Variants in HSPA4 observed in about 807,000 individuals in gnomAD.
HSPA4 encodes the protein heat shock protein family A (Hsp70) member 4, also known as heat shock 70 kDa protein 4.
Under a neutral mutation model 106.2 loss-of-function variants are expected in HSPA4, and 25 were observed. The observed-to-expected ratio is 0.24, with a 90% CI of 0.17 to 0.33. The LOEUF (loss-of-function observed/expected upper bound fraction) is 0.33, where lower values mean the gene tolerates loss of function less well. Among genes scored for constraint, HSPA4 ranks in the 10% least tolerant of loss-of-function variants. The pLI, the probability that HSPA4 is intolerant of heterozygous loss-of-function variation, is 1.00. For synonymous variants in HSPA4, 332 were observed against 333.6 expected (o/e 1.00, Z 0.05); for missense variants, 841 against 996.0 (o/e 0.84, Z 2.10).
At position 133,104,502 on chromosome 5, in the gene HSPA4, T is replaced by C; in HGVS notation, c.*66T>C. 1 of 1,420,866 alleles carries C rather than the reference T, an allele frequency of 7.0e-7. No homozygotes were observed. The highest frequency in any genetic ancestry group is 1.2e-5 in the South Asian group (1 of 82,772). The allele number at this position is 1,420,866 out of a possible 1,614,324, so 88.0% of individuals were successfully genotyped here. ...TTTAAGTTGTCAACTTTGTTCTAAA[T>C]ATCAACTAGCGCAAGTGAATACTGA... On this transcript the variant is annotated 3_prime_UTR_variant, in exon 19 of 19. Coordinates refer to ENST00000304858, the MANE Select transcript of HSPA4 (RefSeq NM_002154.4).
rs903662777 is a variant in HSPA4, at chr5:133,105,941, G to T, written c.*1505G>T. Reference sequence around the variant, plus strand: ...CCTCGAGGCACCACAACAAGGCCAGGTTCTTAGCACATCCTCTGTTCTCTA... The same window carrying T: ...CCTCGAGGCACCACAACAAGGCCAGTTTCTTAGCACATCCTCTGTTCTCTA... On this transcript the variant is annotated 3_prime_UTR_variant, in exon 19 of 19. Coordinates refer to ENST00000304858, the MANE Select transcript of HSPA4 (RefSeq NM_002154.4). The T allele has an allele frequency of 7.2e-5, 11 of 151,770 alleles. No homozygotes were observed. The highest frequency in any genetic ancestry group is 7.2e-4 in the Admixed American group (11 of 15,222). The allele number at this position is 151,770 out of a possible 1,614,324, so 9.4% of individuals were successfully genotyped here. A position where few individuals can be genotyped will look rare whatever the true frequency, so the allele number is the denominator to read the frequency against.
intron 6 of HSPA4, among the ~76,000 whole-genome samples, chr5:133,074,380 G>A (rs1765422724): frequency 6.6e-6 from 1 of 151,812 alleles, no homozygotes; most frequent in South Asian, 2.1e-4. Flanking sequence ...CCAGGTTCAA[G>A]CGATTCTCCT....
rs750356218 is a variant in HSPA4, at chr5:133,099,635, A to G, written c.2020A>G (p.Lys674Glu). 2.5e-6 allele frequency: 4 copies of G among 1,589,154 alleles called. No homozygotes were observed. The highest frequency in any genetic ancestry group is 3.4e-6 in the Non-Finnish European group (4 of 1,159,560). The stretch of plus-strand genomic sequence containing the variant: ...CCAGCCAAAGCAAGTTTATGTTGAT[A>G]AGTTGGCTGAATTAAAAGTAAGTGA... ...EDQPKQVYVD[K>E]LAELKNLGQP... The change falls in exon 16 of 19, where the codon AAG becomes GAG. Residue 674 changes from lysine to glutamate, a missense_variant. By Grantham distance (56) the Lys-to-Glu change is moderately conservative (BLOSUM62 1). Coordinates refer to ENST00000304858, the MANE Select transcript of HSPA4 (RefSeq NM_002154.4).
intron 12 of HSPA4, among the ~76,000 whole-genome samples, chr5:133,092,264 G>A (rs1765656269): frequency 6.6e-6 from 1 of 152,172 alleles, no homozygotes. Flanking sequence ...AGCACATGCA[G>A]TGGTCATACT....
rs1367272389 is a variant in HSPA4 at position 133,104,309 on chromosome 5, A to C, written c.2396A>C (p.Asn799Thr). ...KVEPPKEEQK[N>T]AEQNGPVDGQ... ...GAACCTCCAAAAGAGGAACAAAAAA[A>C]TGCAGAGCAGAATGGACCAGTGGAT... Residue 799 changes from asparagine to threonine, a missense_variant, in exon 19 of 19, where the codon AAT becomes ACT. This residue lies in a region of HSPA4 where 328 missense variants were observed against 372.2 expected (regional missense o/e 0.88). Coordinates refer to ENST00000304858, the MANE Select transcript of HSPA4 (RefSeq NM_002154.4). 25 of 1,614,240 alleles carry C rather than the reference A, an allele frequency of 1.5e-5. No individual in the cohort carries two copies. Among genetic ancestry groups the C allele is most frequent in the Non-Finnish European group, 2.1e-5 (25 of 1,180,040 alleles).
At chr5:133,092,567 C>A in intron 12 of HSPA4, 133 bp from the exon 13 acceptor site, 1 of 672,224 alleles carries the variant, frequency 1.5e-6, no homozygotes, top group Non-Finnish European at 2.7e-6. Context: ...ATGTGGCCTA[C>A]CTGGAATTTT....
In HSPA4 at chr5:133,089,189, T is replaced by C. The variant is rs201985440; in HGVS notation, c.1244+28T>C. On this transcript the variant is annotated intron_variant, in intron 10 of 18. Coordinates refer to ENST00000304858, the MANE Select transcript of HSPA4 (RefSeq NM_002154.4). ...ATCATGTTTATTAATCATTTACATA[T>C]CTAAAGTTAATTGACTATTAGGTCT... The C allele has an allele frequency of 6.4e-5, 81 of 1,258,156 alleles. No homozygotes were observed. In the Admixed American group the frequency reaches 8.2e-4, roughly 13 times the overall value. The allele number at this position is 1,258,156 out of a possible 1,614,324, so 77.9% of individuals were successfully genotyped here.
At chr5:133,063,422 T>C (rs1765269639) in intron 1 of HSPA4, among the ~76,000 whole-genome samples, 1 of 151,832 alleles carries the variant, frequency 6.6e-6, no homozygotes, top group South Asian at 2.1e-4. Context: ...CCCAGCCAAA[T>C]TTACTCTTTT....
intron 7 of HSPA4, among the ~76,000 whole-genome samples, chr5:133,085,156 T>A (rs896101663): frequency 2.6e-5 from 4 of 152,006 alleles, no homozygotes; most frequent in African/African-American, 9.7e-5. Context: ...TTTTTTTTTT[T>A]AGTATGTTCG....
Position 133,093,860 on chromosome 5 carries a change from C to T in HSPA4, c.1650+1071C>T, listed in dbSNP as rs149885078. 0.014 allele frequency among the ~76,000 whole-genome samples: 2,173 copies of T among 151,784 alleles called. 250 individuals carry two copies. The East Asian group carries it at 0.3, about 21-fold the overall frequency. ...TTGTAATCCCAGCACTTTGAGAGGC[C>T]GAGGTGGGTGGATCACTTGGGGTCA... is the stretch of plus-strand genomic sequence containing the variant. On this transcript the variant is annotated intron_variant, in intron 13 of 18. Transcript: ENST00000304858.
chr5:133,094,331 A>T (rs552619667), intron 13 of HSPA4, among the ~76,000 whole-genome samples: 3 of 152,308 alleles, frequency 2.0e-5, no homozygotes, highest in South Asian at 4.1e-4. Context: ...AATTTTTACA[A>T]ATTTCTAATT....
Position 133,106,101 on chromosome 5 carries a change from AATTTTTTTTTTT to A in HSPA4, c.*1666_*1677del, listed in dbSNP as rs1235569471. 1.3e-3 allele frequency: 101 copies of A among 80,240 alleles called. 2 individuals are homozygous for A. Among genetic ancestry groups the A allele is most frequent in the African/African-American group, 4.0e-3 (80 of 19,852 alleles). The allele number at this position is 80,240 out of a possible 1,614,324, so 5.0% of individuals were successfully genotyped here. The stretch of plus-strand genomic sequence containing the variant: ...GGCCATTTCTTCTTAAAAAAAAAAA[AATTTTTTTTTTT>A]TTTTTTTTTTTTTTTTTTTTTTTTT... On this transcript the variant is annotated 3_prime_UTR_variant, in exon 19 of 19. Coordinates refer to ENST00000304858, the MANE Select transcript of HSPA4 (RefSeq NM_002154.4).
At chr5:133,067,322 TA>T in intron 2 of HSPA4, 94 bp from the exon 3 acceptor site, 1 of 1,083,922 alleles carries the variant, frequency 9.2e-7, no homozygotes, top group Non-Finnish European at 1.3e-6. Context: ...GGAGACTCTA[TA>T]TAAAGTTAAA....
chr5:133,080,171 T>C (rs1287116532), intron 7 of HSPA4, among the ~76,000 whole-genome samples: 1 of 151,938 alleles, frequency 6.6e-6, no homozygotes, highest in Non-Finnish European at 1.5e-5. Flanking sequence ...CCTAGCACTT[T>C]GGGACGTCGA....
In HSPA4 at chr5:133,070,508, C is replaced by A. The variant is rs1466394670; in HGVS notation, c.429+12C>A. The A allele has an allele frequency of 1.9e-6, 3 of 1,612,788 alleles. No individual in the cohort carries two copies. Among genetic ancestry groups the A allele is most frequent in the African/African-American group, 2.7e-5 (2 of 74,782 alleles). ...ACTGTGTTGTTTCGGTGAGTTTGAT[C>A]CCTATACATTATTGGGAATTTGCAT... On this transcript the variant is annotated intron_variant, in intron 4 of 18. Transcript: ENST00000304858.
At chr5:133,068,433 G>C (rs569094022) in intron 3 of HSPA4, among the ~76,000 whole-genome samples, 16 of 152,024 alleles carry the variant, frequency 1.1e-4, no homozygotes, top group Middle Eastern at 3.4e-3. Flanking sequence ...AATCCATGAG[G>C]GGGGGTGGGG....
At chr5:133,066,474 G>A (rs1765306478) in intron 2 of HSPA4, among the ~76,000 whole-genome samples, 1 of 152,152 alleles carries the variant, frequency 6.6e-6, no homozygotes, top group African/African-American at 2.4e-5. Flanking sequence ...TAAGTCACCT[G>A]TTCAACCATT....
At position 133,099,675 on chromosome 5, in the gene HSPA4, G is replaced by A. The variant is rs1039061498; in HGVS notation, c.2037+23G>A. ...AAAGTAAGTGACTCTTGAGAGCAGA[G>A]GTATCCAGAACCCTTGTTGAAGCTT... On this transcript the variant is annotated intron_variant, in intron 16 of 18. Transcript: ENST00000304858. 3.7e-6 allele frequency: 5 copies of A among 1,336,218 alleles called. No individual in the cohort carries two copies. In the African/African-American group the frequency reaches 7.2e-5, roughly 19 times the overall value. The allele number at this position is 1,336,218 out of a possible 1,614,324, so 82.8% of individuals were successfully genotyped here.
chr5:133,055,338 TG>T (rs1765147574), intron 1 of HSPA4, among the ~76,000 whole-genome samples: 1 of 122,200 alleles, frequency 8.2e-6, no homozygotes, highest in Non-Finnish European at 1.6e-5. Context: ...TTTTTTTTTT[TG>T]GTAGCGGTTA....
Sources: gnomAD v4.1 joint callset for allele counts (sites outside exome capture counted in the v4.1 genomes callset) on GRCh38, gnomAD v4.1.1 for gene constraint, gnomAD v4.1.1 regional missense constraint, MANE v1.5 for transcripts, NCBI Gene and HGNC (gene_info 2026-07-23, HGNC 2026-07-21) for gene names.